ZNF66: variants seen among roughly 807,000 people sequenced by gnomAD.
The protein encoded by ZNF66 is zinc finger protein 66, also known as putative zinc finger protein 66.
ZNF66 carries 32 observed loss-of-function variants against 35.2 expected under a neutral mutation model. The ratio of observed to expected loss-of-function variants is 0.91; its 90% confidence interval spans 0.69 to 1.22. The LOEUF is 1.22. ZNF66 is among the 50% of genes most tolerant of loss of function. The probability of loss-of-function intolerance (pLI) is 0.00; values close to 1 mark genes in which losing one functional copy is unlikely to be tolerated. For missense variants in ZNF66, 666 were observed against 543.1 expected (o/e 1.23, Z -2.25); for synonymous variants, 231 against 181.3 (o/e 1.27, Z -2.20).
At chr19:20,805,126 T>TGA (rs60295293) in intron 3 of ZNF66, among the ~76,000 whole-genome samples, 185 of 146,072 alleles carry the variant, frequency 1.3e-3, no homozygotes, top group African/African-American at 2.6e-3. Context: ...TGTGTGTGTG[T>TGA]GAGAGAGAGA....
intron 1 of ZNF66, among the ~76,000 whole-genome samples, chr19:20,784,321 A>G (rs1402774318): frequency 6.6e-6 from 1 of 152,222 alleles, no homozygotes. Flanking sequence ...AATTATTCAT[A>G]CTTAGATATT....
chr19:20,806,052 G>A lies in ZNF66; in HGVS notation c.452G>A (p.Gly151Glu). The change falls in exon 4 of 4, where the codon GGG becomes GAG. Residue 151 changes from glycine (G) to glutamate (E), a missense_variant. Coordinates refer to ENST00000344519, the MANE Select transcript of ZNF66 (RefSeq NM_001355197.2). ...QSKMFQCDKH[G>E]KVFHQFSNTN... ...AAAATGTTTCAATGTGATAAACATG[G>A]GAAAGTCTTTCATCAATTTTCAAAT... 1 of 838,532 alleles carries A rather than the reference G, an allele frequency of 1.2e-6. No homozygotes were observed. 51.9% of individuals were successfully genotyped at this position (838,532 alleles called of 1,614,324 possible). A position where few individuals can be genotyped will look rare whatever the true frequency, so the allele number is the denominator to read the frequency against.
chr19:20,789,827 C>T (rs1971319907), intron 1 of ZNF66, among the ~76,000 whole-genome samples: 1 of 152,232 alleles, frequency 6.6e-6, no homozygotes, highest in Non-Finnish European at 1.5e-5. Context: ...TGCTCTGTAT[C>T]ATGCTCTTGA....
rs933115484 is a variant in ZNF66, at chr19:20,809,052, G to A, written c.*1730G>A. Among the ~76,000 whole-genome samples, 3 of 152,168 alleles carry A rather than the reference G, an allele frequency of 2.0e-5. No homozygotes were observed. The highest frequency in any genetic ancestry group is 7.2e-5 in the African/African-American group (3 of 41,438). On this transcript the variant is annotated 3_prime_UTR_variant, in exon 4 of 4. Coordinates refer to ENST00000344519, the MANE Select transcript of ZNF66 (RefSeq NM_001355197.2). Reference sequence around the variant, plus strand: ...CGTGAAGAATGCAGAAGCCTCAGGAGCCAATGCGATCAACTGGAAGAAAGG... The same window carrying A: ...CGTGAAGAATGCAGAAGCCTCAGGAACCAATGCGATCAACTGGAAGAAAGG...
chr19:20,784,667 A>T (rs983666166), intron 1 of ZNF66: 11 of 152,206 alleles, frequency 7.2e-5, no homozygotes, highest in Non-Finnish European at 1.2e-4. Flanking sequence ...AGAAGATGAG[A>T]CAGCAGCAGA....
At chr19:20,777,712 A>G (rs1282521841) in intron 1 of ZNF66, among the ~76,000 whole-genome samples, 1 of 151,900 alleles carries the variant, frequency 6.6e-6, no homozygotes, top group South Asian at 2.1e-4. Flanking sequence ...TGCAACCTCC[A>G]CCTCATGGGT....
At chr19:20,790,768 T>G (rs558979644) in intron 1 of ZNF66, among the ~76,000 whole-genome samples, 1 of 150,764 alleles carries the variant, frequency 6.6e-6, no homozygotes, top group South Asian at 2.1e-4. Context: ...AAAAAAGGGC[T>G]TCAGGTAAAC....
intron 2 of ZNF66, among the ~76,000 whole-genome samples, chr19:20,793,264 G>C (rs531212799): frequency 8.6e-4 from 129 of 150,308 alleles, no homozygotes; most frequent in Non-Finnish European, 1.6e-3. Context: ...GTAGTACCAG[G>C]TAGTAAAATT....
intron 3 of ZNF66, among the ~76,000 whole-genome samples, chr19:20,802,295 A>G (rs956770936): frequency 2.0e-5 from 3 of 152,206 alleles, no homozygotes; most frequent in Non-Finnish European, 4.4e-5. Context: ...TTAAATCTGT[A>G]GATTAAATTG....
intron 3 of ZNF66, among the ~76,000 whole-genome samples, chr19:20,801,694 A>T (rs953382561): frequency 2.0e-5 from 3 of 151,964 alleles, no homozygotes; most frequent in African/African-American, 7.2e-5. Context: ...GCTGATTTGC[A>T]TGGCTCACGG....
chr19:20,776,990 C>T (rs964065499), intron 1 of ZNF66, among the ~76,000 whole-genome samples: 21 of 151,802 alleles, frequency 1.4e-4, no homozygotes, highest in Non-Finnish European at 1.5e-5. Flanking sequence ...TGGCGAATGT[C>T]TGTAGTCCCA....
At position 20,776,367 on chromosome 19, in the gene ZNF66, G is replaced by A; in HGVS notation, c.-81G>A. 1 of 1,512,262 alleles carries A rather than the reference G, an allele frequency of 6.6e-7. No homozygotes were observed. The highest frequency in any genetic ancestry group is 9.2e-7 in the Non-Finnish European group (1 of 1,089,866). 93.7% of individuals were successfully genotyped at this position (1,512,262 alleles called of 1,614,324 possible). A position where few individuals can be genotyped will look rare whatever the true frequency, so the allele number is the denominator to read the frequency against. The stretch of plus-strand genomic sequence containing the variant: ...CTGCTCTCTGTCTTCTTCTCCTAGA[G>A]GCCCAGCCTCTGTGGCCCTGTGTCC... On this transcript the variant is annotated 5_prime_UTR_variant, in exon 1 of 4. Coordinates refer to ENST00000344519, the MANE Select transcript of ZNF66 (RefSeq NM_001355197.2).
chr19:20,802,044 A>G (rs1262844921), intron 3 of ZNF66, among the ~76,000 whole-genome samples: 1 of 152,082 alleles, frequency 6.6e-6, no homozygotes, highest in Non-Finnish European at 1.5e-5. Context: ...ATTATGCAAA[A>G]GCTAATATAT....
At chr19:20,805,126 TGAGAGAGA>T (rs60295293) in intron 3 of ZNF66, among the ~76,000 whole-genome samples, 3 of 145,984 alleles carry the variant, frequency 2.1e-5, no homozygotes, top group Admixed American at 6.9e-5. Context: ...TGTGTGTGTG[TGAGAGAGA>T]GAGAGAGAGA....
At chr19:20,791,791 A>G (rs1265861293) in intron 1 of ZNF66, among the ~76,000 whole-genome samples, 1 of 152,190 alleles carries the variant, frequency 6.6e-6, no homozygotes, top group Non-Finnish European at 1.5e-5. Context: ...AGTGCAGTTA[A>G]TGGTTAATGA....
Position 20,806,085 on chromosome 19 carries a change from G to A in ZNF66, c.485G>A (p.Arg162Lys). ...KVFHQFSNTN[R>K]HKIRHTGKNP... Reference sequence around the variant, plus strand: ...TTTCATCAATTTTCAAATACAAACAGACATAAGATAAGACATACTGGAAAA... The same window carrying A: ...TTTCATCAATTTTCAAATACAAACAAACATAAGATAAGACATACTGGAAAA... Residue 162 changes from arginine (R) to lysine (K), a missense_variant, in exon 4 of 4, where the codon AGA (arginine) becomes AAA (lysine). Transcript: ENST00000344519. 2.3e-6 allele frequency: 2 copies of A among 876,202 alleles called. No individual in the cohort carries two copies. Among genetic ancestry groups the A allele is most frequent in the Admixed American group, 1.9e-5 (1 of 51,866 alleles). The allele number at this position is 876,202 out of a possible 1,614,324, so 54.3% of individuals were successfully genotyped here.
intron 3 of ZNF66, chr19:20,799,508 G>GT (rs1491020355): frequency 7.2e-6 from 1 of 139,560 alleles, no homozygotes; most frequent in African/African-American, 2.6e-5. Context: ...TTGGTATTGT[G>GT]TTTTTTGTTT....
chr19:20,808,834 A>C lies in ZNF66; in HGVS notation c.*1512A>C, dbSNP rs544257774. Among the ~76,000 whole-genome samples the C allele has an allele frequency of 6.6e-6, 1 of 152,264 alleles. No homozygotes were observed. The highest frequency in any genetic ancestry group is 2.4e-5 in the African/African-American group (1 of 41,564). On this transcript the variant is annotated 3_prime_UTR_variant, in exon 4 of 4. Coordinates refer to ENST00000344519, the MANE Select transcript of ZNF66 (RefSeq NM_001355197.2). ...ACAGTTCCCCACCAGCAACAGAACA[A>C]AGCTGGATGGAGAATGACTTTGATG... is the stretch of plus-strand genomic sequence containing the variant.
chr19:20,804,646 G>A (rs1017693661), intron 3 of ZNF66, among the ~76,000 whole-genome samples: 1 of 152,024 alleles, frequency 6.6e-6, no homozygotes, highest in African/African-American at 2.4e-5. Flanking sequence ...CTAATATTTT[G>A]TATTCATTGT....
Sources: allele counts gnomAD v4.1 joint callset (sites outside exome capture counted in the v4.1 genomes callset), GRCh38; gene constraint gnomAD v4.1.1; transcripts MANE v1.5; gene names NCBI Gene and HGNC (gene_info 2026-07-23, HGNC 2026-07-21).